The following ITIH4 variants were observed in gnomAD, a reference collection of about 807,000 sequenced individuals.
ITIH4 encodes the protein inter-alpha-trypsin inhibitor heavy chain H4.
Under a neutral mutation model 111.8 loss-of-function variants are expected in ITIH4, and 79 were observed. That is an observed-to-expected ratio of 0.71 (90% confidence interval 0.59 to 0.85). The LOEUF (loss-of-function observed/expected upper bound fraction) is 0.85. Ranked by LOEUF, ITIH4 falls within the 40% of genes least tolerant of loss-of-function variation. The probability of loss-of-function intolerance (pLI) is 0.00; values close to 1 mark genes in which losing one functional copy is unlikely to be tolerated. For missense variants in ITIH4, 1,065 were observed against 1,195.8 expected, an observed-to-expected ratio of 0.89 and a Z score of 1.61; for synonymous variants, 472 against 468.3, an observed-to-expected ratio of 1.01 and a Z score of -0.10.
chr3:52,819,120 C>T (rs2535617), intron 17 of ITIH4: 28,538 of 436,578 alleles, frequency 0.065, 4,169 homozygotes, highest in African/African-American at 0.35. Context: ...CGGGTGAGCT[C>T]GCATCTGAGG....
In ITIH4 at chr3:52,821,134, G is replaced by A; in HGVS notation, c.1540-4C>T. ...GGAAAGTGATGTTCTGTGTAGGCTG[G>A]AAAGAGGGGCCCAGCCAGGGCAGGA... On this transcript the variant is annotated splice_region_variant and splice_polypyrimidine_tract_variant and intron_variant, in intron 11 of 23. Coordinates refer to ENST00000266041, the MANE Select transcript of ITIH4 (RefSeq NM_002218.5). The A allele has an allele frequency of 6.2e-7, 1 of 1,612,516 alleles. No homozygotes were observed. Among genetic ancestry groups the A allele is most frequent in the Non-Finnish European group, 8.5e-7 (1 of 1,179,720 alleles).
Position 52,814,013 on chromosome 3 carries a change from G to A in ITIH4, c.2685C>T (p.Arg895=). 6.2e-7 allele frequency: 1 copy of A among 1,613,804 alleles called. No homozygotes were observed. The highest frequency in any genetic ancestry group is 8.5e-7 in the Non-Finnish European group (1 of 1,179,946). ...GGTCATTGCCCTGAACCCTCAGCGT[G>A]CGTCTGCCGTCATCTGATGCTGCTG... The part of the protein sequence containing the change: ...GSPAASDDGR[R]TLRVQGNDHS... The change falls in exon 23 of 24, where the codon CGC becomes CGT. Residue 895 remains arginine (R), a synonymous_variant. Coordinates refer to ENST00000266041, the MANE Select transcript of ITIH4 (RefSeq NM_002218.5).
chr3:52,820,978 C>T lies in ITIH4; in HGVS notation c.1679+13G>A, dbSNP rs758582370. 1.9e-6 allele frequency: 3 copies of T among 1,612,928 alleles called. No homozygotes were observed. In the South Asian group the frequency reaches 3.3e-5, roughly 18 times the overall value. On this transcript the variant is annotated intron_variant, in intron 12 of 23. Transcript: ENST00000266041. Reference sequence around the variant, plus strand: ...CCCTAGCGACAGGCTTAGGGAGGTGCTGATGCACTCACGTTTGCTCCAGCA... The same window carrying T: ...CCCTAGCGACAGGCTTAGGGAGGTGTTGATGCACTCACGTTTGCTCCAGCA...
At chr3:52,815,688 CTTT>C (rs869262086) in intron 21 of ITIH4, among the ~76,000 whole-genome samples, 1 of 145,022 alleles carries the variant, frequency 6.9e-6, no homozygotes. Context: ...AATTTTAGAT[CTTT>C]TTTTTTTTTC....
intron 17 of ITIH4, chr3:52,818,846 T>C (rs1238159441): frequency 9.6e-6 from 4 of 416,708 alleles, no homozygotes; most frequent in African/African-American, 6.1e-5. Flanking sequence ...CTCTAGAGTA[T>C]AGTGGATCCT....
intron 23 of ITIH4, 37 bp from the exon 24 acceptor site, chr3:52,813,527 G>C: frequency 6.3e-7 from 1 of 1,582,426 alleles, no homozygotes; most frequent in Non-Finnish European, 8.7e-7. Flanking sequence ...CAGGTGGTCA[G>C]CAAATCTCAG....
Position 52,818,123 on chromosome 3 carries a change from C to G in ITIH4, c.2225G>C (p.Ser742Thr). The G allele has an allele frequency of 1.2e-6, 2 of 1,613,854 alleles. No homozygotes were observed. The highest frequency in any genetic ancestry group is 8.5e-7 in the Non-Finnish European group (1 of 1,179,926). Residue 742 changes from serine to threonine, a missense_variant, in exon 20 of 24, where the codon AGT becomes ACT. Physicochemically the swap from Ser to Thr is moderately conservative, Grantham distance 58. Transcript: ENST00000266041. ...GGGGTCCACACAGAGCCGCTCCACA[C>G]TCTGCCCAGGCAGTGGCAGGATGGC... Reference protein sequence around the residue: ...PSAILPLPGQSVERLCVDPRH... With the variant: ...PSAILPLPGQTVERLCVDPRH...
intron 17 of ITIH4, chr3:52,818,887 C>T (rs1441338710): frequency 3.1e-6 from 1 of 325,024 alleles, no homozygotes; most frequent in South Asian, 3.8e-5. Context: ...AGGTGAAGTC[C>T]TGCCTTGGGG....
intron 2 of ITIH4, among the ~76,000 whole-genome samples, 157 bp downstream of exon 2, chr3:52,828,962 C>T (rs1372541263): frequency 6.6e-6 from 1 of 152,126 alleles, no homozygotes; most frequent in African/African-American, 2.4e-5. Flanking sequence ...AGTCCTTTGG[C>T]AAGCCCCTGT....
intron 18 of ITIH4, 66 bp from the exon 19 acceptor site, chr3:52,818,349 G>A: frequency 6.4e-7 from 1 of 1,559,028 alleles, no homozygotes; most frequent in Non-Finnish European, 8.8e-7. Flanking sequence ...GAGGGAGGGA[G>A]CAGTGACTAG....
In ITIH4 at chr3:52,823,460, G is replaced by A; in HGVS notation, c.1539+96C>T. ...TCATCCACAGGCAGCAGAGGGGAAAGCTGGAGCTGGGCAGGTCTGGGATTT... is the reference window on the plus strand; with the variant it reads ...TCATCCACAGGCAGCAGAGGGGAAAACTGGAGCTGGGCAGGTCTGGGATTT... On this transcript the variant is annotated intron_variant, in intron 11 of 23. Transcript: ENST00000266041. 1.1e-5 allele frequency: 11 copies of A among 1,008,284 alleles called. 1 individual carries two copies. In the South Asian group the frequency reaches 1.8e-4, roughly 16 times the overall value. The allele number at this position is 1,008,284 out of a possible 1,614,324, so 62.5% of individuals were successfully genotyped here. A position where few individuals can be genotyped will look rare whatever the true frequency, so the allele number is the denominator to read the frequency against.
In ITIH4 at chr3:52,819,141, C is replaced by T. The variant is rs964050705; in HGVS notation, c.2077+252G>A. 4 of 484,210 alleles carry T rather than the reference C, an allele frequency of 8.3e-6. No individual in the cohort carries two copies. In the Admixed American group the frequency reaches 1.0e-4, roughly 12 times the overall value. 30.0% of individuals were successfully genotyped at this position (484,210 alleles called of 1,614,324 possible). Reference sequence around the variant, plus strand: ...AGCTCGCATCTGAGGAGATGAGACGCTAAGGATGGGGCAGGGGGCAGCTGC... The same window carrying T: ...AGCTCGCATCTGAGGAGATGAGACGTTAAGGATGGGGCAGGGGGCAGCTGC... On this transcript the variant is annotated intron_variant, in intron 17 of 23. Coordinates refer to ENST00000266041, the MANE Select transcript of ITIH4 (RefSeq NM_002218.5).
chr3:52,828,965 G>A (rs770671163), intron 2 of ITIH4, among the ~76,000 whole-genome samples, 154 bp downstream of exon 2: 19 of 152,138 alleles, frequency 1.2e-4, no homozygotes, highest in Non-Finnish European at 2.4e-4. Context: ...CCTTTGGCAA[G>A]CCCCTGTTCC....
rs747153407 is a variant in ITIH4 at position 52,816,983 on chromosome 3, AG to A, written c.2371del (p.Leu791TrpfsTer13). ...SWIEVTFKNPLVWVHASPEHV... is the reference protein window; with the variant it reads ...SWIEVTFKNPXVWVHASPEHV... Reference sequence around the variant, plus strand: ...TTCAGGGGATGCGTGAACCCATACCAGGGGGTTCTTGAAGGTCACTTCGATC... The same window carrying A: ...TTCAGGGGATGCGTGAACCCATACCAGGGGTTCTTGAAGGTCACTTCGATC... On this transcript the variant is annotated frameshift_variant, in exon 21 of 24. Transcript: ENST00000266041. LOFTEE classifies it high-confidence loss of function. 2 of 1,613,848 alleles carry A rather than the reference AG, an allele frequency of 1.2e-6. No individual in the cohort carries two copies. The highest frequency in any genetic ancestry group is 2.2e-5 in the South Asian group (2 of 91,076).
In ITIH4 at chr3:52,823,978, T is replaced by G; in HGVS notation, c.1198A>C (p.Asn400His). 1.3e-6 allele frequency: 2 copies of G among 1,579,568 alleles called. No individual in the cohort carries two copies. Among genetic ancestry groups the G allele is most frequent in the Non-Finnish European group, 1.7e-6 (2 of 1,163,860 alleles). Reference sequence around the variant, plus strand: ...CCACTTACAGCTTCCCGCACGTTATTCTGGATGCTCCTGGGGTTAGTCTCC... The same window carrying G: ...CCACTTACAGCTTCCCGCACGTTATGCTGGATGCTCCTGGGGTTAGTCTCC... ...VGETNPRSIQ[N>H]NVREAVSGRY... The change falls in exon 10 of 24, where the codon AAT becomes CAT. Residue 400 changes from asparagine (N) to histidine (H), a missense_variant. Physicochemically the swap from Asn to His is moderately conservative, Grantham distance 68 (BLOSUM62 1). Coordinates refer to ENST00000266041, the MANE Select transcript of ITIH4 (RefSeq NM_002218.5).
intron 21 of ITIH4, 86 bp downstream of exon 21, chr3:52,816,798 T>C (rs1439021816): frequency 9.8e-6 from 13 of 1,333,236 alleles, no homozygotes; most frequent in East Asian, 6.9e-5. Flanking sequence ...CTCAGGTCCA[T>C]GGCCTCAGGC....
chr3:52,815,478 G>A (rs577102213), intron 21 of ITIH4, among the ~76,000 whole-genome samples: 15 of 152,056 alleles, frequency 9.9e-5, no homozygotes, highest in African/African-American at 3.1e-4. Flanking sequence ...CTGACCTTAG[G>A]TGATCCACCT....
chr3:52,830,285 A>G (rs1002497244), intron 1 of ITIH4: 18 of 528,924 alleles, frequency 3.4e-5, no homozygotes, highest in Non-Finnish European at 5.4e-5. Flanking sequence ...TCCTGAGGTC[A>G]CTTACTAAAA....
At chr3:52,828,291 C>T (rs1700516455) in intron 2 of ITIH4, among the ~76,000 whole-genome samples, 1 of 152,232 alleles carries the variant, frequency 6.6e-6, no homozygotes, top group African/African-American at 2.4e-5. Flanking sequence ...GCCCGTGGGG[C>T]TTGCACTGCA....
Sources: gnomAD v4.1 joint callset for allele counts (sites outside exome capture counted in the v4.1 genomes callset) on GRCh38, gnomAD v4.1.1 for gene constraint, MANE v1.5 for transcripts, NCBI Gene and HGNC (gene_info 2026-07-23, HGNC 2026-07-21) for gene names.